The following TNS3 variants were observed in gnomAD, a reference collection of about 807,000 sequenced individuals.
The protein encoded by TNS3 is tensin-3.
A neutral mutation model predicts 140.9 loss-of-function variants in TNS3; 45 were observed. That is an observed-to-expected ratio of 0.32 (90% confidence interval 0.25 to 0.41). The LOEUF is 0.41. Ranked by LOEUF, TNS3 falls within the 10% of genes least tolerant of loss-of-function variation. TNS3 has a pLI of 1.00. For missense variants in TNS3, 1,716 were observed against 1,906.7 expected (o/e 0.90, Z 1.86); for synonymous variants, 815 against 788.4 (o/e 1.03, Z -0.56).
intron 3 of TNS3, among the ~76,000 whole-genome samples, chr7:47,483,823 C>G (rs576142538): frequency 6.6e-6 from 1 of 152,226 alleles, no homozygotes; most frequent in Non-Finnish European, 1.5e-5. Context: ...CCGGCTCGCG[C>G]GATAAGTTGG....
intron 28 of TNS3, among the ~76,000 whole-genome samples, chr7:47,281,943 C>CCTGACT (rs1204083781): frequency 1.1e-3 from 160 of 142,328 alleles, no homozygotes; most frequent in Middle Eastern, 0.011. Context: ...TGACCCTGAC[C>CCTGACT]CTGAGTCCAC....
intron 2 of TNS3, among the ~76,000 whole-genome samples, chr7:47,512,086 G>A (rs1798633829): frequency 1.3e-5 from 2 of 152,242 alleles, no homozygotes; most frequent in Non-Finnish European, 1.5e-5. Flanking sequence ...TGCCCTGGGC[G>A]ACAGAGCAGG....
At chr7:47,322,984 G>A (rs918099124) in intron 20 of TNS3, among the ~76,000 whole-genome samples, 5 of 152,170 alleles carry the variant, frequency 3.3e-5, no homozygotes, top group African/African-American at 7.2e-5. Flanking sequence ...GAGGCCAGCA[G>A]GGAGGGGTCC....
chr7:47,459,082 A>T (rs1796376252), intron 4 of TNS3, among the ~76,000 whole-genome samples: 2 of 152,224 alleles, frequency 1.3e-5, no homozygotes, highest in Admixed American at 1.3e-4. Flanking sequence ...AATTTTTAAC[A>T]GTGGCATAGT....
intron 3 of TNS3, among the ~76,000 whole-genome samples, chr7:47,496,868 A>AGCCAAGGCG (rs1562804708): frequency 6.6e-6 from 1 of 152,208 alleles, no homozygotes. Context: ...GAGCCAAGGC[A>AGCCAAGGCG]GGGTGAGCCT....
intron 20 of TNS3, among the ~76,000 whole-genome samples, chr7:47,309,433 C>T (rs999866168): frequency 6.6e-6 from 1 of 151,792 alleles, no homozygotes; most frequent in Middle Eastern, 3.4e-3. Flanking sequence ...ATGTTTAAAA[C>T]ATAACTGTGG....
At chr7:47,329,757 C>A (rs1328042986) in intron 20 of TNS3, among the ~76,000 whole-genome samples, 2 of 152,138 alleles carry the variant, frequency 1.3e-5, no homozygotes, top group Admixed American at 1.3e-4. Context: ...GGGGCGGCAC[C>A]AGCATGGGGC....
At chr7:47,303,916 C>T (rs1786584360) in intron 21 of TNS3, among the ~76,000 whole-genome samples, 1 of 152,306 alleles carries the variant, frequency 6.6e-6, no homozygotes, top group South Asian at 2.1e-4. Context: ...AAGGCCCTTT[C>T]GTCCTTTAAG....
chr7:47,281,685 C>T (rs1472696233), intron 28 of TNS3, among the ~76,000 whole-genome samples: 2 of 152,146 alleles, frequency 1.3e-5, no homozygotes, highest in South Asian at 2.1e-4. Context: ...GTGGACATGA[C>T]CCATCTCCAG....
At chr7:47,363,642 G>A (rs920031114) in intron 17 of TNS3, among the ~76,000 whole-genome samples, 22 of 152,342 alleles carry the variant, frequency 1.4e-4, no homozygotes, top group African/African-American at 5.3e-4. Flanking sequence ...GTCCAGGGAT[G>A]AGATGGAAGG....
At chr7:47,314,023 T>C (rs2150787609) in intron 20 of TNS3, among the ~76,000 whole-genome samples, 1 of 152,350 alleles carries the variant, frequency 6.6e-6, no homozygotes, top group Middle Eastern at 3.4e-3. Flanking sequence ...ACAGGGAGAC[T>C]TGGGCTTCCT....
chr7:47,400,310 T>C, intron 15 of TNS3, 83 bp downstream of exon 15: 3 of 1,094,124 alleles, frequency 2.7e-6, no homozygotes, highest in South Asian at 2.6e-5. Flanking sequence ...GGCAGGAGAC[T>C]AGTACTACAG....
At chr7:47,400,685 T>A (rs1323704613) in intron 14 of TNS3, 100 bp downstream of exon 14, 9 of 1,534,522 alleles carry the variant, frequency 5.9e-6, no homozygotes, top group South Asian at 1.3e-5. Flanking sequence ...GTCAGTAGGC[T>A]GAATTTTGGA....
At chr7:47,465,261 C>A (rs1167754937) in intron 4 of TNS3, among the ~76,000 whole-genome samples, 1 of 152,208 alleles carries the variant, frequency 6.6e-6, no homozygotes, top group Admixed American at 6.5e-5. Flanking sequence ...GAGGGGCTAT[C>A]ACCCAGATGT....
chr7:47,319,341 T>C (rs953965955), intron 20 of TNS3, among the ~76,000 whole-genome samples: 6 of 151,844 alleles, frequency 4.0e-5, no homozygotes, highest in African/African-American at 1.5e-4. Flanking sequence ...CCACTGGACT[T>C]GTGAAAGGAA....
chr7:47,348,366 G>A (rs909025900), intron 17 of TNS3, among the ~76,000 whole-genome samples: 4 of 152,214 alleles, frequency 2.6e-5, no homozygotes, highest in African/African-American at 9.6e-5. Flanking sequence ...TATCTTTGGA[G>A]AGCACCAGGA....
intron 4 of TNS3, among the ~76,000 whole-genome samples, chr7:47,447,777 C>T (rs1877036): frequency 0.022 from 3,381 of 152,278 alleles, 63 homozygotes; most frequent in East Asian, 0.07. Flanking sequence ...AGCGCCCCAC[C>T]CCACCACGCG....
At chr7:47,490,386 A>G (rs1005850324) in intron 3 of TNS3, among the ~76,000 whole-genome samples, 6 of 152,222 alleles carry the variant, frequency 3.9e-5, no homozygotes, top group Non-Finnish European at 5.9e-5. Flanking sequence ...TATTGCCTGA[A>G]TAAGTTTAGT....
chr7:47,435,462 T>A lies in TNS3; in HGVS notation c.202-58A>T, dbSNP rs1015158308. The A allele has an allele frequency of 1.9e-6, 3 of 1,603,662 alleles. No homozygotes were observed. The Admixed American group carries it at 5.0e-5, about 27-fold the overall frequency. On this transcript the variant is annotated intron_variant, in intron 7 of 30. Coordinates refer to ENST00000311160, the MANE Select transcript of TNS3 (RefSeq NM_022748.12). ...CATTTCCTAAAACCTTCTGAGGCCA[T>A]CTCACAATGACTTCTTTCATCATCA...
Sources: gnomAD v4.1 joint callset for allele counts (sites outside exome capture counted in the v4.1 genomes callset) on GRCh38, gnomAD v4.1.1 for gene constraint, MANE v1.5 for transcripts, NCBI Gene and HGNC (gene_info 2026-07-23, HGNC 2026-07-21) for gene names.